CTNNA3: variants seen among roughly 807,000 people sequenced by gnomAD.
CTNNA3 encodes catenin alpha-3.
A neutral mutation model predicts 95.7 loss-of-function variants in CTNNA3; 76 were observed. The observed-to-expected ratio is 0.79, with a 90% confidence interval of 0.66 to 0.96. The LOEUF (loss-of-function observed/expected upper bound fraction) is 0.96. Ranked by LOEUF, CTNNA3 falls within the 40% of genes least tolerant of loss-of-function variation. The pLI is 0.00. For synonymous variants in CTNNA3, 431 were observed against 374.4 expected (o/e 1.15, Z -1.74); for missense variants, 1,191 against 1,089.8 (o/e 1.09, Z -1.31).
At chr10:66,943,865 AG>A (rs1431261818) in intron 7 of CTNNA3, among the ~76,000 whole-genome samples, 1 of 152,190 alleles carries the variant, frequency 6.6e-6, no homozygotes, top group Admixed American at 6.5e-5. Context: ...ACTATGTCAA[AG>A]AAACAATGTG....
intron 12 of CTNNA3, among the ~76,000 whole-genome samples, chr10:66,373,079 G>A (rs1316251254): frequency 1.3e-5 from 2 of 151,910 alleles, no homozygotes; most frequent in African/African-American, 2.4e-5. Context: ...CACTGTGTCA[G>A]AATATATTAT....
At chr10:66,243,151 A>G (rs2090173420) in intron 13 of CTNNA3, among the ~76,000 whole-genome samples, 1 of 152,016 alleles carries the variant, frequency 6.6e-6, no homozygotes, top group Non-Finnish European at 1.5e-5. Flanking sequence ...GACCAAACAG[A>G]CTCTTTGTGG....
chr10:67,459,178 C>G lies in CTNNA3; in HGVS notation c.579+62664G>C, dbSNP rs1847284272. Reference sequence around the variant, plus strand: ...TCAGTAGAAACTCACTGTCCTTGCTCTAATACACTCAATATTTTCACCCAA... The same window carrying G: ...TCAGTAGAAACTCACTGTCCTTGCTGTAATACACTCAATATTTTCACCCAA... On this transcript the variant is annotated intron_variant, in intron 5 of 17. Coordinates refer to ENST00000433211, the MANE Select transcript of CTNNA3 (RefSeq NM_013266.4). 3.3e-5 allele frequency among the ~76,000 whole-genome samples: 5 copies of G among 152,296 alleles called. No individual in the cohort carries two copies. The South Asian group carries it at 1.0e-3, about 32-fold the overall frequency.
In CTNNA3 at chr10:66,617,541, G is replaced by C. The variant is rs554588543; in HGVS notation, c.1374+4151C>G. ...CATGCTAAAAACTCTCAATAAATCA[G>C]GTATTGATGGGACGTATCTCAAAAT... is the stretch of plus-strand genomic sequence containing the variant. On this transcript the variant is annotated intron_variant, in intron 10 of 17. Coordinates refer to ENST00000433211, the MANE Select transcript of CTNNA3 (RefSeq NM_013266.4). Among the ~76,000 whole-genome samples the C allele has an allele frequency of 4.8e-4, 73 of 152,202 alleles. No homozygotes were observed. In the South Asian group the frequency reaches 0.014, roughly 29 times the overall value.
chr10:67,172,949 T>G (rs1314991343), intron 7 of CTNNA3, among the ~76,000 whole-genome samples: 1 of 149,314 alleles, frequency 6.7e-6, no homozygotes, highest in Non-Finnish European at 1.5e-5. Flanking sequence ...CACTCCAGCC[T>G]AGGTGACAGA....
At chr10:66,325,358 C>T (rs1036753102) in intron 12 of CTNNA3, among the ~76,000 whole-genome samples, 5 of 152,008 alleles carry the variant, frequency 3.3e-5, no homozygotes, top group Non-Finnish European at 7.4e-5. Context: ...TAGAAACTAG[C>T]AAACAAGAGT....
At chr10:67,123,093 G>A (rs565397166) in intron 7 of CTNNA3, among the ~76,000 whole-genome samples, 57 of 152,234 alleles carry the variant, frequency 3.7e-4, no homozygotes, top group African/African-American at 1.3e-3. Context: ...GAGGATCAGA[G>A]TATGTGCAGC....
rs1007416999 is a variant in CTNNA3 at position 66,424,839 on chromosome 10, C to T, written c.1532-45487G>A. Among the ~76,000 whole-genome samples the T allele has an allele frequency of 4.6e-5, 7 of 152,100 alleles. No individual in the cohort carries two copies. The South Asian group carries it at 1.5e-3, about 32-fold the overall frequency. On this transcript the variant is annotated intron_variant, in intron 11 of 17. Transcript: ENST00000433211. The stretch of plus-strand genomic sequence containing the variant: ...TTTTTAAAATTTTTATCTGAGCTTT[C>T]AATTTCTGATAGCATTGTACTCAAA...
intron 7 of CTNNA3, among the ~76,000 whole-genome samples, chr10:67,074,390 G>A (rs1378980469): frequency 8.1e-4 from 90 of 111,542 alleles, no homozygotes; most frequent in South Asian, 3.7e-3. Context: ...TCGCTCTGTC[G>A]CCCAGGCTGA....
intron 3 of CTNNA3, among the ~76,000 whole-genome samples, chr10:67,602,330 C>T (rs912932788): frequency 6.6e-6 from 1 of 152,196 alleles, no homozygotes; most frequent in Non-Finnish European, 1.5e-5. Context: ...CTTTTGGGAA[C>T]AGTGCTTTCA....
intron 9 of CTNNA3, among the ~76,000 whole-genome samples, chr10:66,714,340 T>C (rs1848387559): frequency 6.6e-6 from 1 of 152,122 alleles, no homozygotes. Context: ...TCTTTCTCTC[T>C]TTCTCTAGAT....
chr10:66,819,225 G>C (rs1396551851), intron 7 of CTNNA3, among the ~76,000 whole-genome samples: 1 of 151,092 alleles, frequency 6.6e-6, no homozygotes, highest in African/African-American at 2.4e-5. Context: ...AGAGTACCAA[G>C]ATAATTCAAA....
chr10:66,644,100 A>T (rs1262624164), intron 9 of CTNNA3, among the ~76,000 whole-genome samples: 1 of 151,938 alleles, frequency 6.6e-6, no homozygotes, highest in Non-Finnish European at 1.5e-5. Flanking sequence ...TCTGCAAAAA[A>T]TACAAAAATT....
At chr10:67,553,859 A>G (rs1388310619) in intron 3 of CTNNA3, among the ~76,000 whole-genome samples, 1 of 151,926 alleles carries the variant, frequency 6.6e-6, no homozygotes, top group Non-Finnish European at 1.5e-5. Context: ...TGCTGCACCC[A>G]TTAACTCATC....
At chr10:67,476,392 T>G (rs1230988237) in intron 5 of CTNNA3, among the ~76,000 whole-genome samples, 2 of 152,158 alleles carry the variant, frequency 1.3e-5, no homozygotes, top group Middle Eastern at 3.4e-3. Context: ...AGACACCCAC[T>G]GTTCTTATGC....
In CTNNA3 at chr10:65,961,353, T is replaced by A. The variant is rs1445634178; in HGVS notation, c.2400+5259A>T. On this transcript the variant is annotated intron_variant, in intron 17 of 17. Coordinates refer to ENST00000433211, the MANE Select transcript of CTNNA3 (RefSeq NM_013266.4). ...GCCTTCACCATAATACTGATACTGCTTTTAAAAAGATATAAAAACACCTTC... is the reference window on the plus strand; with the variant it reads ...GCCTTCACCATAATACTGATACTGCATTTAAAAAGATATAAAAACACCTTC... Among the ~76,000 whole-genome samples, 4 of 152,294 alleles carry A rather than the reference T, an allele frequency of 2.6e-5. No individual in the cohort carries two copies. In the East Asian group the frequency reaches 7.7e-4, roughly 29 times the overall value.
chr10:67,487,452 C>T (rs1848488268), intron 5 of CTNNA3, among the ~76,000 whole-genome samples: 1 of 152,094 alleles, frequency 6.6e-6, no homozygotes, highest in African/African-American at 2.4e-5. Flanking sequence ...GGCTGAGTCA[C>T]TCAAATCAAA....
At chr10:65,965,359 A>G (rs2077934969) in intron 17 of CTNNA3, among the ~76,000 whole-genome samples, 1 of 150,746 alleles carries the variant, frequency 6.6e-6, no homozygotes, top group Admixed American at 6.6e-5. Flanking sequence ...TATAGGCAAG[A>G]CATAGACAGT....
chr10:66,700,917 T>C (rs1010036579), intron 9 of CTNNA3, among the ~76,000 whole-genome samples: 2 of 152,176 alleles, frequency 1.3e-5, no homozygotes, highest in African/African-American at 4.8e-5. Context: ...AGCCAATAAA[T>C]AGCATTTTAC....
Sources: gnomAD v4.1 joint callset for allele counts (sites outside exome capture counted in the v4.1 genomes callset) on GRCh38, gnomAD v4.1.1 for gene constraint, MANE v1.5 for transcripts, NCBI Gene and HGNC (gene_info 2026-07-23, HGNC 2026-07-21) for gene names.